DACH2: variants seen among roughly 807,000 people sequenced by gnomAD.
DACH2 encodes dachshund homolog 2.
DACH2 carries 17 observed loss-of-function variants against 35.8 expected under a neutral mutation model. That is an observed-to-expected ratio of 0.48 (90% CI 0.33 to 0.71). The LOEUF (loss-of-function observed/expected upper bound fraction) is 0.71. Among genes scored for constraint, DACH2 ranks in the 30% least tolerant of loss-of-function variants. The pLI, the probability that DACH2 is intolerant of heterozygous loss-of-function variation, is 0.02. For missense variants in DACH2, 469 were observed against 472.7 expected, an observed-to-expected ratio of 0.99 and a Z score of 0.07; for synonymous variants, 195 against 177.3, an observed-to-expected ratio of 1.10 and a Z score of -0.79.
chrX:86,460,993 G>T (rs2037562718), intron 2 of DACH2, among the ~76,000 whole-genome samples: 1 of 111,096 alleles, frequency 9.0e-6, no homozygotes, highest in African/African-American at 3.3e-5. Context: ...TACAAGTCTA[G>T]CTCAACGTAA....
intron 2 of DACH2, among the ~76,000 whole-genome samples, chrX:86,438,391 T>A (rs1226216385): frequency 9.1e-6 from 1 of 109,338 alleles, no homozygotes; most frequent in Non-Finnish European, 1.9e-5. Flanking sequence ...GCCCGGCTAA[T>A]TTTTTTGTAT....
intron 7 of DACH2, among the ~76,000 whole-genome samples, chrX:86,782,808 A>G (rs2042101030): frequency 9.0e-6 from 1 of 111,489 alleles, no homozygotes; most frequent in Non-Finnish European, 1.9e-5. Flanking sequence ...TGAAACTACT[A>G]CAGGAGAGCT....
At chrX:86,545,789 A>G (rs1247917816) in intron 3 of DACH2, among the ~76,000 whole-genome samples, 1 of 111,654 alleles carries the variant, frequency 9.0e-6, no homozygotes, top group Non-Finnish European at 1.9e-5. Flanking sequence ...AGGGTTGATT[A>G]TATTACATAA....
At chrX:86,413,357 A>G (rs2036646932) in intron 2 of DACH2, among the ~76,000 whole-genome samples, 1 of 112,123 alleles carries the variant, frequency 8.9e-6, no homozygotes, top group Admixed American at 9.5e-5. Flanking sequence ...GGTGGGCCTT[A>G]TGGACAGGAA....
intron 7 of DACH2, among the ~76,000 whole-genome samples, chrX:86,810,288 A>G (rs1033890213): frequency 7.2e-5 from 8 of 111,691 alleles, no homozygotes; most frequent in African/African-American, 2.6e-4. Context: ...CTTGTTTGTA[A>G]AGCAATCCTC....
chrX:86,394,379 T>C (rs745805570), intron 2 of DACH2, among the ~76,000 whole-genome samples: 261 of 111,641 alleles, frequency 2.3e-3, no homozygotes, highest in African/African-American at 8.1e-3. Context: ...TATTCAGTAT[T>C]AATGCTCCTA....
chrX:86,289,460 G>A (rs1006131131), intron 1 of DACH2, among the ~76,000 whole-genome samples: 1 of 107,912 alleles, frequency 9.3e-6, no homozygotes, highest in Non-Finnish European at 1.9e-5. Context: ...TAGGGAACAT[G>A]TGCATAATGT....
intron 3 of DACH2, among the ~76,000 whole-genome samples, chrX:86,600,723 C>T (rs760172782): frequency 2.7e-5 from 3 of 111,603 alleles, no homozygotes; most frequent in African/African-American, 6.5e-5. Flanking sequence ...TTTATTGGCT[C>T]ATTGTCCTCA....
intron 1 of DACH2, among the ~76,000 whole-genome samples, chrX:86,179,364 T>C (rs765848683): frequency 8.9e-6 from 1 of 111,975 alleles, no homozygotes; most frequent in East Asian, 2.8e-4. Flanking sequence ...GCAAATAACT[T>C]ATCTCCTGCC....
chrX:86,556,783 TATATATATATATAGAGAGAG>T (rs1427495556), intron 3 of DACH2, among the ~76,000 whole-genome samples: 26 of 56,968 alleles, frequency 4.6e-4, no homozygotes, highest in African/African-American at 1.7e-3. Context: ...TATATATATA[TATATATATATATAGAGAGAG>T]AGAGAGAGAG....
chrX:86,173,251 G>T (rs2031184380), intron 1 of DACH2, among the ~76,000 whole-genome samples: 2 of 111,993 alleles, frequency 1.8e-5, no homozygotes, highest in African/African-American at 3.2e-5. Flanking sequence ...AACAGGCAAA[G>T]ACCTCTTCCG....
intron 3 of DACH2, among the ~76,000 whole-genome samples, chrX:86,644,755 A>G (rs1018844786): frequency 1.8e-5 from 2 of 111,114 alleles, no homozygotes; most frequent in African/African-American, 6.5e-5. Flanking sequence ...TGCAGAAATA[A>G]CAGTGAATAT....
At chrX:86,390,028 G>T (rs1244380322) in intron 2 of DACH2, among the ~76,000 whole-genome samples, 3 of 111,563 alleles carry the variant, frequency 2.7e-5, no homozygotes, top group Admixed American at 9.6e-5. Flanking sequence ...GCACCCCTTG[G>T]TTACTTTTAT....
chrX:86,396,902 G>T (rs1261574062), intron 2 of DACH2, among the ~76,000 whole-genome samples: 1 of 111,159 alleles, frequency 9.0e-6, no homozygotes, highest in African/African-American at 3.3e-5. Context: ...GAACTTTAAA[G>T]TAGTTTATTT....
intron 3 of DACH2, among the ~76,000 whole-genome samples, chrX:86,627,844 T>G (rs1260938177): frequency 8.9e-6 from 1 of 112,305 alleles, no homozygotes; most frequent in Non-Finnish European, 1.9e-5. Context: ...AAGCATAAAC[T>G]GATGATAAAG....
At chrX:86,408,002 G>T (rs2036552477) in intron 2 of DACH2, among the ~76,000 whole-genome samples, 1 of 110,508 alleles carries the variant, frequency 9.0e-6, no homozygotes, top group Admixed American at 9.7e-5. Context: ...TGGCAGATTT[G>T]GGACTTAAAC....
At chrX:86,397,293 G>A (rs1249140479) in intron 2 of DACH2, among the ~76,000 whole-genome samples, 1 of 111,588 alleles carries the variant, frequency 9.0e-6, no homozygotes, top group African/African-American at 3.3e-5. Flanking sequence ...ATTTTGGGCT[G>A]AGACGATGGG....
intron 1 of DACH2, among the ~76,000 whole-genome samples, chrX:86,161,857 T>G (rs2030770091): frequency 8.9e-6 from 1 of 112,094 alleles, no homozygotes; most frequent in Admixed American, 9.5e-5. Context: ...TTCTTTTTTG[T>G]AAAGTCGTAT....
At chrX:86,425,400 A>G (rs1187101039) in intron 2 of DACH2, among the ~76,000 whole-genome samples, 1 of 109,868 alleles carries the variant, frequency 9.1e-6, no homozygotes, top group Non-Finnish European at 1.9e-5. Flanking sequence ...TCCTGGCTCG[A>G]TCTTGGTAGG....
Sources: gnomAD v4.1 joint callset for allele counts (sites outside exome capture counted in the v4.1 genomes callset) on GRCh38, gnomAD v4.1.1 for gene constraint, MANE v1.5 for transcripts, NCBI Gene and HGNC (gene_info 2026-07-23, HGNC 2026-07-21) for gene names.